Variants in XCR1 observed in about 807,000 individuals in gnomAD.
The protein encoded by XCR1 is X-C motif chemokine receptor 1.
For synonymous variants in XCR1, 187 were observed against 188.5 expected (o/e 0.99, Z 0.06); for missense variants, 356 against 424.2 (o/e 0.84, Z 1.41).
upstream of XCR1, among the ~76,000 whole-genome samples, chr3:46,029,420 C>T (rs551507339): frequency 6.0e-4 from 92 of 152,256 alleles, no homozygotes; most frequent in African/African-American, 2.2e-3. Flanking sequence ...GTCTTCAACT[C>T]CTGGGCTCAA....
At chr3:46,040,195 T>G (rs1361179958) in intron 5 of XCR1, among the ~76,000 whole-genome samples, 22 of 152,188 alleles carry the variant, frequency 1.4e-4, no homozygotes, top group African/African-American at 4.8e-5. Flanking sequence ...TAGGTCTTAC[T>G]GTATAGGAAA....
chr3:46,029,915 A>T (rs989669716), upstream of XCR1, among the ~76,000 whole-genome samples: 1 of 152,138 alleles, frequency 6.6e-6, no homozygotes, highest in Non-Finnish European at 1.5e-5. Flanking sequence ...AAGTATTTTT[A>T]TGCTATTGTA....
chr3:46,047,754 AAAG>A (rs1397259573), intron 5 of XCR1, among the ~76,000 whole-genome samples: 2 of 152,208 alleles, frequency 1.3e-5, no homozygotes, highest in Non-Finnish European at 2.9e-5. Context: ...AGTGTTGTAT[AAAG>A]AAGAAGAATT....
At chr3:46,023,178 A>C in intron 1 of XCR1, 1 of 436,500 alleles carries the variant, frequency 2.3e-6, no homozygotes, top group Non-Finnish European at 4.0e-6. Flanking sequence ...CTGAGGAGGA[A>C]GTGGAGAGAT....
At chr3:46,062,712 C>G (rs1559491928) in intron 4 of XCR1, among the ~76,000 whole-genome samples, 1 of 152,240 alleles carries the variant, frequency 6.6e-6, no homozygotes, top group Non-Finnish European at 1.5e-5. Flanking sequence ...TCTGGCTTCT[C>G]AAGCCTAACA....
At chr3:46,066,946 T>C (rs1398510120) in exon 4 of XCR1, among the ~76,000 whole-genome samples, 2 of 152,090 alleles carry the variant, frequency 1.3e-5, no homozygotes, top group Non-Finnish European at 2.9e-5. Flanking sequence ...GCAACCTGAA[T>C]GATGACAGTA....
upstream of XCR1, among the ~76,000 whole-genome samples, chr3:46,030,579 T>C (rs532641952): frequency 5.9e-4 from 90 of 152,392 alleles, 1 homozygote; most frequent in South Asian, 0.019. Context: ...GGTTTTTGTT[T>C]ACACATAGTT....
At chr3:46,057,033 A>G (rs761088825) in intron 4 of XCR1, among the ~76,000 whole-genome samples, 2 of 152,218 alleles carry the variant, frequency 1.3e-5, no homozygotes, top group Non-Finnish European at 2.9e-5. Context: ...TTAAAAAGAA[A>G]CAGATTCATC....
chr3:46,062,608 CTT>C (rs1697985509), intron 4 of XCR1, among the ~76,000 whole-genome samples: 1 of 152,276 alleles, frequency 6.6e-6, no homozygotes, highest in Non-Finnish European at 1.5e-5. Flanking sequence ...TCCCGTTACT[CTT>C]TTGGGAATTT....
chr3:46,030,986 C>T (rs1367426415), upstream of XCR1, among the ~76,000 whole-genome samples: 2 of 152,242 alleles, frequency 1.3e-5, no homozygotes, highest in African/African-American at 2.4e-5. Context: ...AGGGCCACCA[C>T]GCCACCTGCA....
chr3:46,079,346 T>G (rs1698316863), intron 1 of XCR1, among the ~76,000 whole-genome samples: 1 of 152,220 alleles, frequency 6.6e-6, no homozygotes, highest in Admixed American at 6.5e-5. Context: ...AGAAAAAAGC[T>G]GGTTTTAGAA....
chr3:46,026,614 G>A (rs192267411), intron 1 of XCR1, among the ~76,000 whole-genome samples: 18 of 145,592 alleles, frequency 1.2e-4, no homozygotes, highest in Non-Finnish European at 1.6e-4. Context: ...ATGGAGTCTC[G>A]TTCTGTCCCC....
Position 46,020,651 on chromosome 3 carries a change from C to CT in XCR1, c.*294dup, listed in dbSNP as rs1416614783. 2.0e-5 allele frequency: 9 copies of CT among 441,776 alleles called. No homozygotes were observed. The highest frequency in any genetic ancestry group is 3.9e-5 in the Admixed American group (1 of 25,730). The allele number at this position is 441,776 out of a possible 1,614,324, so 27.4% of individuals were successfully genotyped here. A position where few individuals can be genotyped will look rare whatever the true frequency, so the allele number is the denominator to read the frequency against. On this transcript the variant is annotated 3_prime_UTR_variant, in exon 2 of 2. Transcript: ENST00000309285. ...CTTTCATGTCTTAGAACCTTCTGAACTAAACAGTGATTAGAAACACATGTC... is the reference window on the plus strand; with the variant it reads ...CTTTCATGTCTTAGAACCTTCTGAACTTAAACAGTGATTAGAAACACATGTC...
At chr3:46,049,832 G>T (rs977621338) in intron 5 of XCR1, among the ~76,000 whole-genome samples, 26 of 152,304 alleles carry the variant, frequency 1.7e-4, no homozygotes, top group African/African-American at 6.3e-4. Context: ...AATTTTGTCT[G>T]AAGGGTAGTG....
intron 5 of XCR1, among the ~76,000 whole-genome samples, chr3:46,036,672 C>CGG (rs777930888): frequency 7.2e-5 from 11 of 152,128 alleles, no homozygotes; most frequent in Non-Finnish European, 1.3e-4. Context: ...TTTGAGGTAT[C>CGG]AGGGTTTGGC....
Position 46,017,602 on chromosome 3 carries a change from G to C in XCR1, c.*3344C>G, listed in dbSNP as rs1449450779. The C allele has an allele frequency of 6.6e-6, 1 of 152,242 alleles. No homozygotes were observed. The highest frequency in any genetic ancestry group is 2.4e-5 in the African/African-American group (1 of 41,448). 9.4% of individuals were successfully genotyped at this position (152,242 alleles called of 1,614,324 possible). A position where few individuals can be genotyped will look rare whatever the true frequency, so the allele number is the denominator to read the frequency against. On this transcript the variant is annotated 3_prime_UTR_variant, in exon 2 of 2. Transcript: ENST00000309285. The stretch of plus-strand genomic sequence containing the variant: ...CACTGAGGGAGATGGTAGGAACTGG[G>C]TTTGTGCCTTTGAGGGATTTCCACT...
Position 46,053,975 on chromosome 3 carries a change from G to A in XCR1, c.-87C>T, listed in dbSNP as rs186642951. On this transcript the variant is annotated 5_prime_UTR_variant, in exon 5 of 6. Transcript: ENST00000683768. ...CCCGGGCTCCCTGTTCGCCTTGTCA[G>A]TTTCAGTTCCTCTGCTCCAGCAGAT... Among the ~76,000 whole-genome samples, 208 of 149,614 alleles carry A rather than the reference G, an allele frequency of 1.4e-3. 5 individuals are homozygous for A. Among genetic ancestry groups the A allele is most frequent in the African/African-American group, 4.9e-3 (193 of 39,120 alleles).
chr3:46,038,392 T>G (rs1429522940), intron 5 of XCR1, among the ~76,000 whole-genome samples: 1 of 152,182 alleles, frequency 6.6e-6, no homozygotes, highest in African/African-American at 2.4e-5. Flanking sequence ...AATTTGGGGT[T>G]GGTTTCCTGT....
intron 5 of XCR1, among the ~76,000 whole-genome samples, chr3:46,048,220 A>G (rs982726849): frequency 6.6e-6 from 1 of 152,160 alleles, no homozygotes; most frequent in Non-Finnish European, 1.5e-5. Flanking sequence ...ACTCTCCCTG[A>G]TTGTGATAAA....
Sources: gnomAD v4.1 joint callset for allele counts (sites outside exome capture counted in the v4.1 genomes callset) on GRCh38, gnomAD v4.1.1 for gene constraint, MANE v1.5 for transcripts, NCBI Gene and HGNC (gene_info 2026-07-23, HGNC 2026-07-21) for gene names.